RGN: variants seen among roughly 807,000 people sequenced by gnomAD.
RGN encodes regucalcin, also known as epididymis secretory protein Li 41.
Under a neutral mutation model 20.6 loss-of-function variants are expected in RGN, and 19 were observed. That is an observed-to-expected ratio of 0.92 (90% CI 0.64 to 1.35). The LOEUF is 1.35. Ranked by LOEUF, RGN falls within the 40% of genes most tolerant of loss-of-function variation. The probability of loss-of-function intolerance (pLI) is 0.00; values close to 1 mark genes in which losing one functional copy is unlikely to be tolerated. For synonymous variants in RGN, 85 were observed against 87.2 expected, an observed-to-expected ratio of 0.97 and a Z score of 0.14; for missense variants, 302 against 232.7, an observed-to-expected ratio of 1.30 and a Z score of -1.94.
rs782775416 is a variant in RGN at position 47,089,970 on chromosome X, G to A, written c.541G>A (p.Asp181Asn). ...CTACTCCGTGGATGCCTTTGACTAT[G>A]ACCTGCAGACAGGACAGATCTGTAT... ...LSYSVDAFDYDLQTGQISNRR... is the reference protein window; with the variant it reads ...LSYSVDAFDYNLQTGQISNRR... The change falls in exon 5 of 8, where the codon GAC becomes AAC. Residue 181 changes from aspartate to asparagine, a missense_variant. Transcript: ENST00000397180. 7 of 1,191,980 alleles carry A rather than the reference G, an allele frequency of 5.9e-6. No individual in the cohort carries two copies. The Admixed American group carries it at 1.3e-4, about 23-fold the overall frequency.
intron 5 of RGN, among the ~76,000 whole-genome samples, chrX:47,090,238 TA>T (rs1556387010): frequency 9.0e-6 from 1 of 110,823 alleles, no homozygotes; most frequent in South Asian, 3.8e-4. Context: ...GGGAAGCTAA[TA>T]AAAAATAATT....
rs782203856 is a variant in RGN, at chrX:47,091,460, C to G, written c.563-218C>G. 5.4e-4 allele frequency among the ~76,000 whole-genome samples: 60 copies of G among 111,682 alleles called. No individual in the cohort carries two copies. Among genetic ancestry groups the G allele is most frequent in the Non-Finnish European group, 9.8e-4 (52 of 53,183 alleles). ...GAATTCTGCTTTCTTTTTTCTCTCT[C>G]CATCTGAATGCTTAAACAGATATGC... On this transcript the variant is annotated intron_variant, in intron 5 of 7. Coordinates refer to ENST00000397180, the MANE Select transcript of RGN (RefSeq NM_152869.4).
chrX:47,081,041 T>C (rs1411806019), intron 2 of RGN, 89 bp from the exon 3 acceptor site: 17 of 620,633 alleles, frequency 2.7e-5, no homozygotes, highest in Non-Finnish European at 4.0e-5. Context: ...CTGGGGGAAG[T>C]GTATCCAGCC....
intron 3 of RGN, among the ~76,000 whole-genome samples, chrX:47,082,264 C>G (rs1171043733): frequency 1.0e-5 from 1 of 100,455 alleles, no homozygotes; most frequent in Non-Finnish European, 2.0e-5. Flanking sequence ...TTCCTATAAT[C>G]TTGGGACATT....
intron 3 of RGN, among the ~76,000 whole-genome samples, chrX:47,081,527 G>C (rs989936027): frequency 9.5e-6 from 1 of 104,906 alleles, no homozygotes; most frequent in Admixed American, 1.0e-4. Flanking sequence ...TTTTTTGGGG[G>C]GGGGGGTGTT....
intron 4 of RGN, among the ~76,000 whole-genome samples, chrX:47,086,563 C>G (rs782483889): frequency 4.0e-4 from 44 of 110,081 alleles, no homozygotes; most frequent in Non-Finnish European, 7.2e-4. Flanking sequence ...TGTAGTCAAG[C>G]TTTCCACAGG....
rs781955617 is a variant in RGN, at chrX:47,092,908, G to A, written c.861G>A (p.Leu287=). ...TTCTTTTTCAACAGATAACTGGTCTGGGGGTCAAAGGAATTGCTCCCTACT... is the reference window on the plus strand; with the variant it reads ...TTCTTTTTCAACAGATAACTGGTCTAGGGGTCAAAGGAATTGCTCCCTACT... The part of the protein sequence containing the change: ...EAGGIFKITG[L]GVKGIAPYSY... Residue 287 remains leucine, a synonymous_variant, in exon 8 of 8, where the codon CTG becomes CTA. Transcript: ENST00000397180. 1 of 1,203,931 alleles carries A rather than the reference G, an allele frequency of 8.3e-7. No individual in the cohort carries two copies. The highest frequency in any genetic ancestry group is 1.8e-5 in the African/African-American group (1 of 57,052).
At chrX:47,083,915 AC>A (rs67170336) in intron 3 of RGN, among the ~76,000 whole-genome samples, 6,508 of 107,675 alleles carry the variant, frequency 0.06, 543 homozygotes, top group African/African-American at 0.21. Context: ...TCTGTCTCAA[AC>A]AAAACAAACA....
At chrX:47,089,662 T>C (rs1930840055) in intron 4 of RGN, 114 bp from the exon 5 acceptor site, 2 of 427,237 alleles carry the variant, frequency 4.7e-6, no homozygotes. Context: ...ATTGGAATTG[T>C]ATAGTGATTT....
intron 4 of RGN, chrX:47,084,916 C>T (rs553370436): frequency 9.3e-6 from 2 of 213,907 alleles, no homozygotes; most frequent in South Asian, 2.2e-4. Flanking sequence ...GATCGTGCCA[C>T]TGCACTCTAA....
At chrX:47,079,173 C>A (rs1314676363) in intron 1 of RGN, among the ~76,000 whole-genome samples, 1 of 109,124 alleles carries the variant, frequency 9.2e-6, no homozygotes, top group South Asian at 3.9e-4. Context: ...GTTGCCCAGG[C>A]TGGTCTCAAA....
At position 47,091,761 on chromosome X, in the gene RGN, G is replaced by A. The variant is rs1486682264; in HGVS notation, c.646G>A (p.Val216Met). ...TATTGATGCTGAGGGGAAGCTCTGG[G>A]TGGCCTGTTACAATGGAGGAAGAGT... ...MCIDAEGKLW[V>M]ACYNGGRVIR... Residue 216 changes from valine to methionine, a missense_variant, in exon 6 of 8, where the codon GTG (valine) becomes ATG (methionine). By Grantham distance (21) the Val-to-Met change is conservative. Transcript: ENST00000397180. The A allele has an allele frequency of 2.6e-5, 31 of 1,209,135 alleles. No homozygotes were observed. Among genetic ancestry groups the A allele is most frequent in the Non-Finnish European group, 3.0e-5 (27 of 894,762 alleles).
chrX:47,086,785 A>AAG (rs1930620581), intron 4 of RGN, among the ~76,000 whole-genome samples: 1 of 50,180 alleles, frequency 2.0e-5, no homozygotes, highest in Non-Finnish European at 4.1e-5. Flanking sequence ...GAGAGAGAGA[A>AAG]AGAGAGAGAG....
intron 4 of RGN, among the ~76,000 whole-genome samples, 168 bp from the exon 5 acceptor site, chrX:47,089,608 C>CAG (rs1414125353): frequency 5.1e-5 from 1 of 19,771 alleles, no homozygotes; most frequent in Admixed American, 4.6e-4. Context: ...TACACACACA[C>CAG]ACACACACAC....
In RGN at chrX:47,092,067, G is replaced by C. The variant is rs1556388142; in HGVS notation, c.701G>C (p.Arg234Thr). ...AAAATATTTGGTGGTCTAGGGAAAA[G>C]ACTTCAAACTGTGAAGTTGCCTGTT... Reference protein sequence around the residue: ...VIRLDPVTGKRLQTVKLPVDK... With the variant: ...VIRLDPVTGKTLQTVKLPVDK... The change falls in exon 7 of 8, where the codon AGA becomes ACA. Residue 234 changes from arginine to threonine, a missense_variant. By Grantham distance (71) the Arg-to-Thr change is moderately conservative (BLOSUM62 -1). Coordinates refer to ENST00000397180, the MANE Select transcript of RGN (RefSeq NM_152869.4). 1 of 1,205,637 alleles carries C rather than the reference G, an allele frequency of 8.3e-7. No individual in the cohort carries two copies. The highest frequency in any genetic ancestry group is 3.0e-5 in the East Asian group (1 of 33,831).
At position 47,080,927 on chromosome X, in the gene RGN, C is replaced by A. The variant is rs981771459; in HGVS notation, c.-25C>A. On this transcript the variant is annotated 5_prime_UTR_variant, in exon 2 of 8. Coordinates refer to ENST00000397180, the MANE Select transcript of RGN (RefSeq NM_152869.4). Reference sequence around the variant, plus strand: ...TCTTTTTGAAAGATCATTCGAGAAACACGTCACTGGTAAGTTGGTTGAAGA... The same window carrying A: ...TCTTTTTGAAAGATCATTCGAGAAAAACGTCACTGGTAAGTTGGTTGAAGA... 16 of 361,216 alleles carry A rather than the reference C, an allele frequency of 4.4e-5. No individual in the cohort carries two copies. Among genetic ancestry groups the A allele is most frequent in the African/African-American group, 3.9e-4 (15 of 38,257 alleles). 29.8% of individuals were successfully genotyped at this position (361,216 alleles called of 1,213,427 possible).
chrX:47,089,608 C>T (rs1556386324), intron 4 of RGN, among the ~76,000 whole-genome samples, 168 bp from the exon 5 acceptor site: 78 of 19,773 alleles, frequency 3.9e-3, no homozygotes, highest in East Asian at 0.01. Flanking sequence ...TACACACACA[C>T]ACACACACAC....
chrX:47,092,127 A>C lies in RGN; in HGVS notation c.761A>C (p.Asn254Thr), dbSNP rs782141597. The C allele has an allele frequency of 1.2e-4, 145 of 1,204,850 alleles. No homozygotes were observed. The highest frequency in any genetic ancestry group is 1.6e-4 in the Non-Finnish European group (141 of 891,980). The change falls in exon 7 of 8, where the codon AAT becomes ACT. Residue 254 changes from asparagine (N) to threonine (T), a missense_variant. Asn to Thr is a moderately conservative substitution (Grantham distance 65). Coordinates refer to ENST00000397180, the MANE Select transcript of RGN (RefSeq NM_152869.4). ...ACTTCATGCTGCTTTGGAGGGAAGA[A>C]TTACTCTGAAATGTATGTGACCTGC... is the stretch of plus-strand genomic sequence containing the variant. The part of the protein sequence containing the change: ...KTTSCCFGGK[N>T]YSEMYVTCAR...
At chrX:47,089,598 TACACACACACACACACAC>T (rs200155890) in intron 4 of RGN, among the ~76,000 whole-genome samples, 160 bp from the exon 5 acceptor site, 9 of 69,971 alleles carry the variant, frequency 1.3e-4, no homozygotes, top group South Asian at 7.8e-4. Flanking sequence ...TATATATATA[TACACACACACACACACAC>T]ACACACACAC....
Sources: gnomAD v4.1 joint callset for allele counts (sites outside exome capture counted in the v4.1 genomes callset) on GRCh38, gnomAD v4.1.1 for gene constraint, MANE v1.5 for transcripts, NCBI Gene and HGNC (gene_info 2026-07-23, HGNC 2026-07-21) for gene names.